AKAP11: variants seen among roughly 807,000 people sequenced by gnomAD.
The protein encoded by AKAP11 is A-kinase anchoring protein 11.
Under a neutral mutation model 146.1 loss-of-function variants are expected in AKAP11, and 36 were observed. The observed-to-expected ratio is 0.25, with a 90% CI of 0.19 to 0.33. The LOEUF (loss-of-function observed/expected upper bound fraction) is 0.33. Ranked by LOEUF, AKAP11 falls within the 10% of genes least tolerant of loss-of-function variation. The pLI is 1.00. For synonymous variants in AKAP11, 780 were observed against 786.5 expected, an observed-to-expected ratio of 0.99 and a Z score of 0.14; for missense variants, 2,201 against 2,197.0, an observed-to-expected ratio of 1.00 and a Z score of -0.04.
At position 42,320,151 on chromosome 13, in the gene AKAP11, A is replaced by T. The variant is rs9533064; in HGVS notation, c.*923A>T. The T allele has an allele frequency of 0.12, 18,839 of 152,672 alleles. 1,311 individuals carry two copies. The highest frequency in any genetic ancestry group is 0.17 in the South Asian group (820 of 4,812). 9.5% of individuals were successfully genotyped at this position (152,672 alleles called of 1,614,324 possible). A position where few individuals can be genotyped will look rare whatever the true frequency, so the allele number is the denominator to read the frequency against. ...ACTTATCTTACAAGTGAAAACTTAA[A>T]TTGTAAAACATGTTGAAATTTTAAA... On this transcript the variant is annotated 3_prime_UTR_variant, in exon 13 of 13. Transcript: ENST00000025301.
chr13:42,285,885 A>G (rs1487962814), intron 1 of AKAP11, 101 bp from the exon 2 acceptor site: 1 of 152,100 alleles, frequency 6.6e-6, no homozygotes, highest in Non-Finnish European at 1.5e-5. Flanking sequence ...TGCCATAGAG[A>G]TAAGAGTGTC....
At position 42,301,234 on chromosome 13, in the gene AKAP11, G is replaced by T; in HGVS notation, c.2488G>T (p.Ala830Ser). ...HIATKNREEK[A>S]ACLRNICLPS... ...TGCCACAAAAAACAGAGAAGAAAAA[G>T]CAGCTTGTCTCAGAAATATTTGTTT... Residue 830 changes from alanine to serine, a missense_variant, in exon 8 of 13, where the codon GCA (alanine) becomes TCA (serine). By Grantham distance (99) the Ala-to-Ser change is moderately conservative. Coordinates refer to ENST00000025301, the MANE Select transcript of AKAP11 (RefSeq NM_016248.4). The T allele has an allele frequency of 6.2e-7, 1 of 1,613,932 alleles. No homozygotes were observed. Among genetic ancestry groups the T allele is most frequent in the African/African-American group, 1.3e-5 (1 of 75,052 alleles).
At position 42,298,888 on chromosome 13, in the gene AKAP11, A is replaced by G. The variant is rs887013352; in HGVS notation, c.616+91A>G. On this transcript the variant is annotated intron_variant, in intron 7 of 12. Coordinates refer to ENST00000025301, the MANE Select transcript of AKAP11 (RefSeq NM_016248.4). ...AGGCAGGCTTGTTCAGTTGAAATTT[A>G]TGTTGAGATTTGATTCAATTTAAAC... 1.0e-5 allele frequency: 13 copies of G among 1,299,784 alleles called. No homozygotes were observed. The African/African-American group carries it at 2.0e-4, about 20-fold the overall frequency. The allele number at this position is 1,299,784 out of a possible 1,614,324, so 80.5% of individuals were successfully genotyped here.
chr13:42,271,846 A>C (rs1250233593), upstream of AKAP11, among the ~76,000 whole-genome samples: 1 of 151,444 alleles, frequency 6.6e-6, no homozygotes, highest in African/African-American at 2.4e-5. Flanking sequence ...AAGTCATGTG[A>C]CCAGCGGGGC....
chr13:42,294,025 T>C (rs1959354775), intron 4 of AKAP11, among the ~76,000 whole-genome samples: 2 of 152,166 alleles, frequency 1.3e-5, no homozygotes, highest in Admixed American at 1.3e-4. Context: ...CTCCTAGAGG[T>C]TAGCAATTCA....
Position 42,300,206 on chromosome 13 carries a change from C to G in AKAP11, c.1460C>G (p.Thr487Ser). 6.2e-7 allele frequency: 1 copy of G among 1,613,880 alleles called. No individual in the cohort carries two copies. Residue 487 changes from threonine (T) to serine (S), a missense_variant, in exon 8 of 13, where the codon ACC (threonine) becomes AGC (serine). Transcript: ENST00000025301. ...GAAAATCATGATTCTGTTTATTACA[C>G]CTATGAAGACTATGCAAAAAGCATT... The part of the protein sequence containing the change: ...IHENHDSVYY[T>S]YEDYAKSISC...
chr13:42,321,922 C>CTCT lies in AKAP11; in HGVS notation c.*2695_*2697dup, dbSNP rs1281597196. On this transcript the variant is annotated 3_prime_UTR_variant, in exon 13 of 13. Coordinates refer to ENST00000025301, the MANE Select transcript of AKAP11 (RefSeq NM_016248.4). The stretch of plus-strand genomic sequence containing the variant: ...ATATGTGGAAAAAAGTGAATGAGAC[C>CTCT]TCTGATAGGGGGTTTTCAGAACCTT... 6.6e-6 allele frequency: 1 copy of CTCT among 152,238 alleles called. No individual in the cohort carries two copies. The highest frequency in any genetic ancestry group is 1.5e-5 in the Non-Finnish European group (1 of 67,990). The allele number at this position is 152,238 out of a possible 1,614,324, so 9.4% of individuals were successfully genotyped here. A position where few individuals can be genotyped will look rare whatever the true frequency, so the allele number is the denominator to read the frequency against.
chr13:42,285,732 G>C (rs1332231040), intron 1 of AKAP11, among the ~76,000 whole-genome samples: 2 of 152,162 alleles, frequency 1.3e-5, no homozygotes, highest in Non-Finnish European at 2.9e-5. Context: ...ATTTGACTTG[G>C]ATGTCTTCTG....
rs1368050753 is a variant in AKAP11, at chr13:42,302,390, C to T, written c.3644C>T (p.Ala1215Val). Residue 1215 changes from alanine to valine, a missense_variant, in exon 8 of 13, where the codon GCT (alanine) becomes GTT (valine). Transcript: ENST00000025301. ...CTTTCTCTTGCAACTGAAATGGCAGCTTCCCATTTAGATAACAAAATAATT... is the reference window on the plus strand; with the variant it reads ...CTTTCTCTTGCAACTGAAATGGCAGTTTCCCATTTAGATAACAAAATAATT... ...HILSLATEMA[A>V]SHLDNKIIQE... 1 of 1,614,102 alleles carries T rather than the reference C, an allele frequency of 6.2e-7. No individual in the cohort carries two copies. The highest frequency in any genetic ancestry group is 8.5e-7 in the Non-Finnish European group (1 of 1,180,008).
At position 42,299,620 on chromosome 13, in the gene AKAP11, A is replaced by T; in HGVS notation, c.874A>T (p.Ser292Cys). 6.2e-7 allele frequency: 1 copy of T among 1,613,990 alleles called. No homozygotes were observed. The highest frequency in any genetic ancestry group is 8.5e-7 in the Non-Finnish European group (1 of 1,179,888). Residue 292 changes from serine (S) to cysteine (C), a missense_variant, in exon 8 of 13, where the codon AGT (serine) becomes TGT (cysteine). Transcript: ENST00000025301. ...YRSSNASDKD[S>C]DLQKTFFSSS... is the part of the protein sequence containing the mutation. Reference sequence around the variant, plus strand: ...GTCATCTAATGCTTCAGATAAAGATAGTGATTTACAGAAAACATTTTTTTC... The same window carrying T: ...GTCATCTAATGCTTCAGATAAAGATTGTGATTTACAGAAAACATTTTTTTC...
chr13:42,287,637 ATTTAATAGGTCCACTT>A (rs1272231102), intron 3 of AKAP11, among the ~76,000 whole-genome samples: 1 of 152,176 alleles, frequency 6.6e-6, no homozygotes, highest in Non-Finnish European at 1.5e-5. Flanking sequence ...TTACCTTTAA[ATTTAATAGGTCCACTT>A]TTTAATTTGA....
intron 8 of AKAP11, among the ~76,000 whole-genome samples, chr13:42,308,131 C>T (rs552271358): frequency 6.6e-6 from 1 of 152,288 alleles, no homozygotes; most frequent in African/African-American, 2.4e-5. Flanking sequence ...AACTTAGGAA[C>T]TTGTACTGCC....
At chr13:42,273,945 G>A (rs1594288207) in intron 1 of AKAP11, among the ~76,000 whole-genome samples, 1 of 152,176 alleles carries the variant, frequency 6.6e-6, no homozygotes, top group East Asian at 1.9e-4. Flanking sequence ...GAAAGACTTA[G>A]AAAATATCTC....
At position 42,321,963 on chromosome 13, in the gene AKAP11, T is replaced by C. The variant is rs1065235; in HGVS notation, c.*2735T>C. 19,467 of 152,288 alleles carry C rather than the reference T, an allele frequency of 0.13. 1,388 individuals carry two copies. Among genetic ancestry groups the C allele is most frequent in the South Asian group, 0.2 (982 of 4,818 alleles). The allele number at this position is 152,288 out of a possible 1,614,324, so 9.4% of individuals were successfully genotyped here. ...TCAGAACCTTGTTCACACCAAAATG[T>C]GACAGTTCTTTCATGTTTTCCTAAA... On this transcript the variant is annotated 3_prime_UTR_variant, in exon 13 of 13. Transcript: ENST00000025301.
chr13:42,314,211 G>C (rs1960703488), intron 11 of AKAP11, among the ~76,000 whole-genome samples: 1 of 152,192 alleles, frequency 6.6e-6, no homozygotes, highest in African/African-American at 2.4e-5. Flanking sequence ...TTGGGTGGCT[G>C]AGGTGGGTGG....
rs908971877 is a variant in AKAP11 at position 42,319,383 on chromosome 13, C to G, written c.*155C>G. On this transcript the variant is annotated 3_prime_UTR_variant, in exon 13 of 13. Transcript: ENST00000025301. The stretch of plus-strand genomic sequence containing the variant: ...TTTCTGAGCGCTTTGTGTTATCACT[C>G]GGTGTATATAGTTCATACTTTTGTA... 17 of 921,586 alleles carry G rather than the reference C, an allele frequency of 1.8e-5. No individual in the cohort carries two copies. The highest frequency in any genetic ancestry group is 2.9e-5 in the Admixed American group (1 of 34,520). 57.1% of individuals were successfully genotyped at this position (921,586 alleles called of 1,614,324 possible). A position where few individuals can be genotyped will look rare whatever the true frequency, so the allele number is the denominator to read the frequency against.
At chr13:42,315,970 C>T (rs1960801771) in intron 11 of AKAP11, among the ~76,000 whole-genome samples, 1 of 152,132 alleles carries the variant, frequency 6.6e-6, no homozygotes, top group African/African-American at 2.4e-5. Flanking sequence ...GCCAGGCAAC[C>T]AGGAGTCCTG....
At position 42,307,151 on chromosome 13, in the gene AKAP11, A is replaced by G. The variant is rs77750258; in HGVS notation, c.5118-1303A>G. On this transcript the variant is annotated intron_variant, in intron 8 of 12. Coordinates refer to ENST00000025301, the MANE Select transcript of AKAP11 (RefSeq NM_016248.4). Reference sequence around the variant, plus strand: ...TATTAGGAAAAGTATTCAAAAAAACAAAGTAGTAATCTATCAATGGTTCAG... The same window carrying G: ...TATTAGGAAAAGTATTCAAAAAAACGAAGTAGTAATCTATCAATGGTTCAG... 5.6e-3 allele frequency among the ~76,000 whole-genome samples: 857 copies of G among 152,324 alleles called. 10 individuals are homozygous for G. The highest frequency in any genetic ancestry group is 0.019 in the African/African-American group (788 of 41,570).
chr13:42,296,639 G>T (rs1256038745), intron 5 of AKAP11, among the ~76,000 whole-genome samples: 1 of 151,854 alleles, frequency 6.6e-6, no homozygotes, highest in Non-Finnish European at 1.5e-5. Flanking sequence ...GGATTATATT[G>T]TACAGAGTTT....
Sources: allele counts gnomAD v4.1 joint callset (sites outside exome capture counted in the v4.1 genomes callset), GRCh38; gene constraint gnomAD v4.1.1; transcripts MANE v1.5; gene names NCBI Gene and HGNC (gene_info 2026-07-23, HGNC 2026-07-21).